Variants in FOXP1 observed in about 807,000 individuals in gnomAD.
FOXP1 encodes the protein forkhead box P1.
In FOXP1, 15 loss-of-function variants were observed where a neutral mutation model predicts 98.2. That is an observed-to-expected ratio of 0.15 (90% CI 0.10 to 0.24). The LOEUF is 0.24. Among genes scored for constraint, FOXP1 ranks in the 10% least tolerant of loss-of-function variants. The pLI, the probability that FOXP1 is intolerant of heterozygous loss-of-function variation, is 1.00. For missense variants in FOXP1, 633 were observed against 848.5 expected, an observed-to-expected ratio of 0.75 and a Z score of 3.15; for synonymous variants, 371 against 314.5, an observed-to-expected ratio of 1.18 and a Z score of -1.90.
At chr3:71,237,267 TTGGATTTTA>T (rs2066883069) in intron 5 of FOXP1, among the ~76,000 whole-genome samples, 1 of 91,428 alleles carries the variant, frequency 1.1e-5, no homozygotes, top group South Asian at 3.0e-4. Context: ...AAAAAAAAAA[TTGGATTTTA>T]CTTAATATAT....
At chr3:71,223,613 T>C (rs1238262382) in intron 5 of FOXP1, among the ~76,000 whole-genome samples, 1 of 147,052 alleles carries the variant, frequency 6.8e-6, no homozygotes, top group Non-Finnish European at 1.5e-5. Context: ...GAGAATGGCC[T>C]GAACCCAGGA....
chr3:71,168,897 T>C (rs993756220), intron 6 of FOXP1, among the ~76,000 whole-genome samples: 1 of 152,204 alleles, frequency 6.6e-6, no homozygotes, highest in African/African-American at 2.4e-5. Context: ...AGGTTATAGA[T>C]GGGTACAGAG....
chr3:70,984,280 TCAC>T (rs1559640961), intron 14 of FOXP1, among the ~76,000 whole-genome samples: 1 of 152,178 alleles, frequency 6.6e-6, no homozygotes, highest in Non-Finnish European at 1.5e-5. Flanking sequence ...ACACTGATAC[TCAC>T]CAATCAGAGG....
At chr3:71,294,386 C>A (rs1315223778) in intron 5 of FOXP1, among the ~76,000 whole-genome samples, 2 of 152,056 alleles carry the variant, frequency 1.3e-5, no homozygotes, top group Non-Finnish European at 2.9e-5. Context: ...CACATAATTC[C>A]CGACACCCTG....
At chr3:71,090,114 C>T (rs562289586) in intron 7 of FOXP1, among the ~76,000 whole-genome samples, 3 of 152,270 alleles carry the variant, frequency 2.0e-5, no homozygotes, top group African/African-American at 7.2e-5. Context: ...ATAAACAAAA[C>T]AGTATCTAGC....
chr3:71,070,483 GT>G (rs2053083504), intron 7 of FOXP1, among the ~76,000 whole-genome samples: 1 of 152,172 alleles, frequency 6.6e-6, no homozygotes, highest in East Asian at 1.9e-4. Context: ...CGCAGTTCGA[GT>G]TTTCTTCTGG....
chr3:71,475,699 T>TG (rs2089768657), intron 3 of FOXP1, among the ~76,000 whole-genome samples: 1 of 151,952 alleles, frequency 6.6e-6, no homozygotes, highest in Non-Finnish European at 1.5e-5. Context: ...AAAAATTAGC[T>TG]GGTGTGGTGC....
At chr3:71,356,793 G>T (rs1250803846) in intron 4 of FOXP1, among the ~76,000 whole-genome samples, 1 of 152,148 alleles carries the variant, frequency 6.6e-6, no homozygotes, top group African/African-American at 2.4e-5. Flanking sequence ...AGGCATCCAA[G>T]GAGTTTCTGC....
chr3:71,224,461 G>A (rs1043103278), intron 5 of FOXP1, among the ~76,000 whole-genome samples: 3 of 152,216 alleles, frequency 2.0e-5, no homozygotes, highest in African/African-American at 7.2e-5. Context: ...TCTGCTGGGT[G>A]TGGAGGGATG....
intron 3 of FOXP1, among the ~76,000 whole-genome samples, chr3:71,466,823 A>G (rs945594967): frequency 1.3e-5 from 2 of 152,236 alleles, no homozygotes; most frequent in East Asian, 1.9e-4. Flanking sequence ...ATAGTTCTAC[A>G]TGAGAGACGC....
At chr3:71,505,717 G>A (rs1349378083) in intron 2 of FOXP1, among the ~76,000 whole-genome samples, 3 of 151,954 alleles carry the variant, frequency 2.0e-5, no homozygotes, top group African/African-American at 2.4e-5. Flanking sequence ...GAGCCACTGC[G>A]CCCAGCCCTG....
At chr3:71,499,420 G>A (rs771977883) in intron 2 of FOXP1, among the ~76,000 whole-genome samples, 4 of 152,234 alleles carry the variant, frequency 2.6e-5, no homozygotes, top group Non-Finnish European at 4.4e-5. Flanking sequence ...ATATACGTAT[G>A]TATATACACA....
chr3:71,232,852 C>A (rs1385149923), intron 5 of FOXP1, among the ~76,000 whole-genome samples: 1 of 95,440 alleles, frequency 1.0e-5, no homozygotes, highest in Non-Finnish European at 2.0e-5. Flanking sequence ...GAGCTGAGAT[C>A]GTGCCACAGA....
At chr3:71,118,415 C>T (rs186573805) in intron 6 of FOXP1, among the ~76,000 whole-genome samples, 9 of 152,166 alleles carry the variant, frequency 5.9e-5, no homozygotes, top group Admixed American at 2.0e-4. Context: ...TCAAGGTAGC[C>T]GATGTTCAAA....
intron 7 of FOXP1, among the ~76,000 whole-genome samples, chr3:71,097,311 A>G (rs190044698): frequency 6.6e-6 from 1 of 152,348 alleles, no homozygotes; most frequent in Non-Finnish European, 1.5e-5. Flanking sequence ...ATGAATTTTT[A>G]TTGGAATACA....
chr3:71,060,056 T>G (rs932856437), intron 7 of FOXP1, among the ~76,000 whole-genome samples: 1 of 152,172 alleles, frequency 6.6e-6, no homozygotes, highest in Non-Finnish European at 1.5e-5. Flanking sequence ...GAATTAAATT[T>G]GTAGCTCTGC....
intron 4 of FOXP1, among the ~76,000 whole-genome samples, chr3:71,341,940 A>G (rs959464954): frequency 1.3e-5 from 2 of 152,368 alleles, no homozygotes; most frequent in Non-Finnish European, 2.9e-5. Flanking sequence ...TCGCTTCTCA[A>G]TGATTTCCTA....
chr3:71,049,416 C>T (rs1442117011), intron 9 of FOXP1, among the ~76,000 whole-genome samples: 1 of 152,138 alleles, frequency 6.6e-6, no homozygotes. Flanking sequence ...GCAGTCACTT[C>T]AATAGCTGTA....
At chr3:71,190,638 CAAAAAAA>C (rs55747148) in intron 6 of FOXP1, among the ~76,000 whole-genome samples, 67 of 43,514 alleles carry the variant, frequency 1.5e-3, no homozygotes, top group Non-Finnish European at 2.2e-3. Flanking sequence ...ACCCCATCTC[CAAAAAAA>C]AAAAAAAAAA....
Sources: gnomAD v4.1 joint callset for allele counts (sites outside exome capture counted in the v4.1 genomes callset) on GRCh38, gnomAD v4.1.1 for gene constraint, MANE v1.5 for transcripts, NCBI Gene and HGNC (gene_info 2026-07-23, HGNC 2026-07-21) for gene names.